COL6A2: variants seen among roughly 807,000 people sequenced by gnomAD.
COL6A2 encodes collagen type VI alpha 2 chain, also known as collagen alpha-2(VI) chain.
COL6A2 carries 90 observed loss-of-function variants against 124.9 expected under a neutral mutation model. The ratio of observed to expected loss-of-function variants is 0.72; its 90% CI spans 0.61 to 0.86. The LOEUF (loss-of-function observed/expected upper bound fraction) is 0.86. Among genes scored for constraint, COL6A2 ranks in the 40% least tolerant of loss-of-function variants. COL6A2 has a pLI of 0.00. For synonymous variants in COL6A2, 793 were observed against 618.2 expected (o/e 1.28, Z -4.19); for missense variants, 1,607 against 1,502.5 (o/e 1.07, Z -1.15).
chr21:46,119,115 A>AGCC lies in COL6A2; in HGVS notation c.1267_1269dup (p.Pro423dup), dbSNP rs1297225929. 6.2e-7 allele frequency: 1 copy of AGCC among 1,610,338 alleles called. No homozygotes were observed. ...CCTGGGCCCCGCGGACCCAAAGGCG[A>AGCC]GCCGGTGAGTCCCTCCTGCCCCTGC... On this transcript the variant is annotated inframe_insertion, in exon 14 of 28. Coordinates refer to ENST00000300527, the MANE Select transcript of COL6A2 (RefSeq NM_001849.4).
At chr21:46,103,415 TTTTG>T (rs1460144404) in intron 1 of COL6A2, among the ~76,000 whole-genome samples, 5 of 152,286 alleles carry the variant, frequency 3.3e-5, no homozygotes, top group African/African-American at 9.6e-5. Flanking sequence ...CTGTTCTCCA[TTTTG>T]TTTATCTTTG....
rs757052241 is a variant in COL6A2 at position 46,132,078 on chromosome 21, G to A, written c.2586G>A (p.Arg862=). 6.9e-6 allele frequency: 11 copies of A among 1,601,864 alleles called. No homozygotes were observed. Among genetic ancestry groups the A allele is most frequent in the Non-Finnish European group, 9.3e-6 (11 of 1,176,794 alleles). Residue 862 remains arginine, a synonymous_variant, in exon 28 of 28, where the codon CGG becomes CGA. Transcript: ENST00000300527. The part of the protein sequence containing the change: ...ARRFVEQVAR[R]LTLARRDDDP... Reference sequence around the variant, plus strand: ...GCTTCGTGGAGCAGGTGGCGCGGCGGCTGACGCTGGCCCGGAGGGACGACG... The same window carrying A: ...GCTTCGTGGAGCAGGTGGCGCGGCGACTGACGCTGGCCCGGAGGGACGACG...
intron 1 of COL6A2, among the ~76,000 whole-genome samples, chr21:46,101,421 G>A (rs1056680436): frequency 6.6e-6 from 1 of 151,964 alleles, no homozygotes; most frequent in African/African-American, 2.4e-5. Context: ...TTAAATTTTG[G>A]TGTAATCTGA....
chr21:46,131,988 G>C lies in COL6A2; in HGVS notation c.2496G>C (p.Val832=). Residue 832 remains valine, a synonymous_variant, in exon 28 of 28, where the codon GTG becomes GTC. Coordinates refer to ENST00000300527, the MANE Select transcript of COL6A2 (RefSeq NM_001849.4). The part of the protein sequence containing the change: ...LSVAQCTQRP[V]DIVFLLDGSE... The stretch of plus-strand genomic sequence containing the variant: ...TGGCACAGTGCACGCAGCGGCCCGT[G>C]GACATCGTCTTCCTGCTGGACGGCT... 6.2e-7 allele frequency: 1 copy of C among 1,609,860 alleles called. No individual in the cohort carries two copies. The highest frequency in any genetic ancestry group is 8.5e-7 in the Non-Finnish European group (1 of 1,179,342).
intron 27 of COL6A2, 51 bp from the exon 28 acceptor site, chr21:46,131,903 C>T (rs575189845): frequency 4.6e-5 from 70 of 1,506,958 alleles, no homozygotes; most frequent in African/African-American, 1.7e-4. Flanking sequence ...GGCACCTGCC[C>T]GGTCCTGCCC....
intron 4 of COL6A2, chr21:46,113,063 G>A (rs1011712657): frequency 1.7e-6 from 1 of 602,274 alleles, no homozygotes; most frequent in African/African-American, 1.9e-5. Context: ...GTGTTACAAG[G>A]AGAGGTCGAG....
intron 27 of COL6A2, chr21:46,129,414 G>T: frequency 6.2e-7 from 1 of 1,612,524 alleles, no homozygotes; most frequent in Non-Finnish European, 8.5e-7. Context: ...GGACTGGATG[G>T]AGCTGTTCAT....
At chr21:46,130,910 T>C (rs916049721) in intron 27 of COL6A2, among the ~76,000 whole-genome samples, 5 of 152,194 alleles carry the variant, frequency 3.3e-5, no homozygotes, top group African/African-American at 1.2e-4. Flanking sequence ...ACGGCGTCCA[T>C]GTCTCAAGCG....
intron 23 of COL6A2, 122 bp from the exon 24 acceptor site, chr21:46,125,144 C>G: frequency 9.1e-7 from 1 of 1,097,448 alleles, no homozygotes; most frequent in Non-Finnish European, 1.4e-6. Context: ...ACCCGCCAGC[C>G]TCCCCGCATG....
At position 46,126,117 on chromosome 21, in the gene COL6A2, G is replaced by C. The variant is rs781630708; in HGVS notation, c.2302G>C (p.Glu768Gln). The change falls in exon 26 of 28, where the codon GAG becomes CAG. Residue 768 changes from glutamate to glutamine, a missense_variant. Physicochemically the swap from Glu to Gln is conservative, Grantham distance 29. Around this residue, in one of 3 missense-constraint regions of COL6A2, gnomAD observed 1,223 missense variants for 1,052.2 expected, o/e 1.16. Coordinates refer to ENST00000300527, the MANE Select transcript of COL6A2 (RefSeq NM_001849.4). ...GIGDMFHEKH[E>Q]SENLYSIACD... ...CGGGGACATGTTCCACGAGAAGCAC[G>C]AGAGTGAAAACCTCTACTCCATCGC... The C allele has an allele frequency of 6.2e-7, 1 of 1,612,490 alleles. No homozygotes were observed. The highest frequency in any genetic ancestry group is 8.5e-7 in the Non-Finnish European group (1 of 1,180,022).
Position 46,129,893 on chromosome 21 carries a change from G to A in COL6A2, c.2462-2061G>A, listed in dbSNP as rs1009355916. ...AAGTCTTTGGAGGCCCTTACTTAGC[G>A]GCCCAGCTGGGCTGCCGTGCGTCTG... On this transcript the variant is annotated intron_variant, in intron 27 of 27. Transcript: ENST00000300527. 24 of 989,972 alleles carry A rather than the reference G, an allele frequency of 2.4e-5. No homozygotes were observed. In the South Asian group the frequency reaches 3.5e-4, roughly 14 times the overall value. 61.3% of individuals were successfully genotyped at this position (989,972 alleles called of 1,614,324 possible). A position where few individuals can be genotyped will look rare whatever the true frequency, so the allele number is the denominator to read the frequency against.
intron 1 of COL6A2, among the ~76,000 whole-genome samples, chr21:46,109,983 T>C (rs1166108350): frequency 6.6e-6 from 1 of 152,180 alleles, no homozygotes; most frequent in Non-Finnish European, 1.5e-5. Context: ...TGGGGAACTC[T>C]CACCTCGCCA....
At chr21:46,128,496 T>G (rs546162908) in intron 27 of COL6A2, among the ~76,000 whole-genome samples, 126 of 152,274 alleles carry the variant, frequency 8.3e-4, no homozygotes, top group African/African-American at 2.9e-3. Flanking sequence ...GGCCTGGCCC[T>G]GGCCTTCTCC....
At chr21:46,127,981 T>C (rs549841154) in intron 27 of COL6A2, among the ~76,000 whole-genome samples, 47 of 152,344 alleles carry the variant, frequency 3.1e-4, no homozygotes, top group Middle Eastern at 3.4e-3. Context: ...ACGTGGGCCC[T>C]GATTCGCTGA....
chr21:46,131,626 T>G (rs555917247), intron 27 of COL6A2, among the ~76,000 whole-genome samples: 1 of 152,260 alleles, frequency 6.6e-6, no homozygotes, highest in East Asian at 1.9e-4. Flanking sequence ...TCTTGAGCCA[T>G]GAAAGGATGC....
intron 24 of COL6A2, 75 bp from the exon 25 acceptor site, chr21:46,125,390 G>A: frequency 6.2e-7 from 1 of 1,606,322 alleles, no homozygotes; most frequent in Non-Finnish European, 8.5e-7. Context: ...GGTCATCGCT[G>A]GGTCCTGCAT....
chr21:46,129,959 TGTTCCAGCACCAG>T (rs2078739588), intron 27 of COL6A2, among the ~76,000 whole-genome samples: 1 of 152,176 alleles, frequency 6.6e-6, no homozygotes, highest in South Asian at 2.1e-4. Context: ...TGCTGGAGGA[TGTTCCAGCACCAG>T]GTTCCAGCGG....
intron 27 of COL6A2, among the ~76,000 whole-genome samples, chr21:46,128,672 C>T (rs894022001): frequency 3.2e-4 from 48 of 152,354 alleles, no homozygotes; most frequent in Middle Eastern, 3.4e-3. Flanking sequence ...GGGGCCACAG[C>T]GTAACCTGAG....
chr21:46,116,398 GAGA>G lies in COL6A2; in HGVS notation c.925_927del (p.Lys309del). 6.2e-7 allele frequency: 1 copy of G among 1,612,984 alleles called. No homozygotes were observed. Among genetic ancestry groups the G allele is most frequent in the Non-Finnish European group, 8.5e-7 (1 of 1,179,990 alleles). On this transcript the variant is annotated inframe_deletion and splice_region_variant, in exon 8 of 28. Transcript: ENST00000300527. This position sits in a 1 kb window ranked among gnomAD's most constrained non-coding sequence, Gnocchi z 4.6. ...CCAGGGCGTTCCTGGCTTCAAAGGA[GAGA>G]AGGTGAGGCTCTTGCCCTGACAGAC... is the stretch of plus-strand genomic sequence containing the variant.
Sources: gnomAD v4.1 joint callset for allele counts (sites outside exome capture counted in the v4.1 genomes callset) on GRCh38, gnomAD v4.1.1 for gene constraint, gnomAD v4.1.1 regional missense constraint, Gnocchi (gnomAD v3.1) non-coding constraint, MANE v1.5 for transcripts, NCBI Gene and HGNC (gene_info 2026-07-23, HGNC 2026-07-21) for gene names.